Variants in CDKL1 observed in about 807,000 individuals in gnomAD.
CDKL1 encodes cyclin-dependent kinase-like 1.
In CDKL1, 41 loss-of-function variants were observed where a neutral mutation model predicts 42.0. That is an observed-to-expected ratio of 0.98 (90% CI 0.76 to 1.27). The LOEUF (loss-of-function observed/expected upper bound fraction) is 1.27. Ranked by LOEUF, CDKL1 falls within the 50% of genes most tolerant of loss-of-function variation. The pLI, the probability that CDKL1 is intolerant of heterozygous loss-of-function variation, is 0.00. For missense variants in CDKL1, 394 were observed against 428.4 expected (o/e 0.92, Z 0.71); for synonymous variants, 153 against 158.6 (o/e 0.96, Z 0.26).
Position 50,330,121 on chromosome 14 carries a change from A to C in CDKL1, c.1027T>G (p.Tyr343Asp). ...TTAAGTTTCTTGGTATCACAGTAGTACTTCTTATTATCCAAAGCTGGAAGG... is the reference window on the plus strand; with the variant it reads ...TTAAGTTTCTTGGTATCACAGTAGTCCTTCTTATTATCCAAAGCTGGAAGG... Reference protein sequence around the residue: ...SILPALDNKKYYCDTKKLNYR... With the variant: ...SILPALDNKKDYCDTKKLNYR... The change falls in exon 10 of 10, where the codon TAC becomes GAC. Residue 343 changes from tyrosine (Y) to aspartate (D), a missense_variant. Tyr to Asp is a radical substitution (Grantham distance 160, BLOSUM62 -3). Coordinates refer to ENST00000395834, the MANE Select transcript of CDKL1 (RefSeq NM_004196.7). 1 of 1,610,178 alleles carries C rather than the reference A, an allele frequency of 6.2e-7. No individual in the cohort carries two copies. The highest frequency in any genetic ancestry group is 8.5e-7 in the Non-Finnish European group (1 of 1,179,240).
At chr14:50,388,055 C>G (rs781283206) in intron 2 of CDKL1, among the ~76,000 whole-genome samples, 2 of 152,106 alleles carry the variant, frequency 1.3e-5, no homozygotes, top group African/African-American at 4.8e-5. Flanking sequence ...CGCCACCACA[C>G]CTGGCTAATT....
At chr14:50,346,659 T>TTG (rs1566582909) in intron 3 of CDKL1, among the ~76,000 whole-genome samples, 1 of 115,942 alleles carries the variant, frequency 8.6e-6, no homozygotes, top group Non-Finnish European at 1.9e-5. Flanking sequence ...TTGGTTTTTT[T>TTG]TTTTTTTTTG....
intron 2 of CDKL1, among the ~76,000 whole-genome samples, chr14:50,374,447 G>C (rs923443207): frequency 6.6e-6 from 1 of 152,146 alleles, no homozygotes; most frequent in African/African-American, 2.4e-5. Flanking sequence ...AGGAGGTTGG[G>C]GAATCCTAGG....
In CDKL1 at chr14:50,395,831, C is replaced by T; in HGVS notation, c.38G>A (p.Gly13Glu). The T allele has an allele frequency of 6.2e-7, 1 of 1,611,104 alleles. No individual in the cohort carries two copies. The highest frequency in any genetic ancestry group is 8.5e-7 in the Non-Finnish European group (1 of 1,177,264). Reference sequence around the variant, plus strand: ...ACATTTGAAAACAACTCCATAGGATCCTTCTCCAATTTTCCCAATTTTTTC... The same window carrying T: ...ACATTTGAAAACAACTCCATAGGATTCTTCTCCAATTTTCCCAATTTTTTC... ...KYEKIGKIGE[G>E]SYGVVFKCRN... Residue 13 changes from glycine to glutamate, a missense_variant, in exon 2 of 10, where the codon GGA becomes GAA. Gly to Glu is a moderately conservative substitution (Grantham distance 98, BLOSUM62 -2). Transcript: ENST00000395834.
At chr14:50,339,107 GT>G in intron 6 of CDKL1, 78 bp from the exon 7 acceptor site, 2 of 1,006,022 alleles carry the variant, frequency 2.0e-6, no homozygotes, top group East Asian at 4.8e-5. Context: ...TCAATGCTGT[GT>G]TTGTCTGTGC....
At chr14:50,387,458 G>A (rs2035120560) in intron 2 of CDKL1, among the ~76,000 whole-genome samples, 1 of 152,050 alleles carries the variant, frequency 6.6e-6, no homozygotes, top group Non-Finnish European at 1.5e-5. Context: ...GGGAGGCAGA[G>A]GTTGCAGTGA....
At chr14:50,378,738 T>A (rs755150562) in intron 2 of CDKL1, among the ~76,000 whole-genome samples, 3 of 152,254 alleles carry the variant, frequency 2.0e-5, no homozygotes, top group Middle Eastern at 3.4e-3. Flanking sequence ...GGTCTTACCA[T>A]CTTGCTCAGG....
At chr14:50,397,243 G>A (rs374206785), upstream of CDKL1, 492 of 1,366,594 alleles carry the variant, frequency 3.6e-4, no homozygotes, top group Non-Finnish European at 4.5e-4. Flanking sequence ...ATTCCCTTTG[G>A]TCCCTTGGAG....
chr14:50,330,182 C>T lies in CDKL1; in HGVS notation c.967-1G>A. The T allele has an allele frequency of 6.3e-7, 1 of 1,599,726 alleles. No individual in the cohort carries two copies. On this transcript the variant is annotated splice_acceptor_variant, in intron 9 of 9. Transcript: ENST00000395834. LOFTEE classifies it high-confidence loss of function. ...CAGTTAGCTGGGGTAGGTACTGCAACTAAAAATGCAAAACACAGAATTAGG... is the reference window on the plus strand; with the variant it reads ...CAGTTAGCTGGGGTAGGTACTGCAATTAAAAATGCAAAACACAGAATTAGG...
rs201963441 is a variant in CDKL1, at chr14:50,342,119, T to C, written c.454+13A>G. The C allele has an allele frequency of 1.2e-6, 2 of 1,607,092 alleles. No individual in the cohort carries two copies. Among genetic ancestry groups the C allele is most frequent in the Non-Finnish European group, 8.5e-7 (1 of 1,173,804 alleles). ...ATTTTTTATACTTAACAAAAGAAAA[T>C]GTCAATACTCACTCAAAAGCCGAGC... is the stretch of plus-strand genomic sequence containing the variant. On this transcript the variant is annotated intron_variant, in intron 5 of 9. Coordinates refer to ENST00000395834, the MANE Select transcript of CDKL1 (RefSeq NM_004196.7).
chr14:50,368,219 C>T (rs1008616494), intron 2 of CDKL1, among the ~76,000 whole-genome samples: 3 of 152,192 alleles, frequency 2.0e-5, no homozygotes, highest in African/African-American at 7.2e-5. Context: ...CTCGTCCTCC[C>T]AAAATGCTGG....
intron 2 of CDKL1, chr14:50,363,122 G>C (rs1595332342): frequency 3.7e-6 from 1 of 267,736 alleles, no homozygotes; most frequent in East Asian, 1.0e-4. Context: ...TCTTGAGCCA[G>C]GGAGACCACA....
chr14:50,363,568 T>C (rs1041928153), intron 2 of CDKL1, among the ~76,000 whole-genome samples: 10 of 152,212 alleles, frequency 6.6e-5, no homozygotes, highest in Non-Finnish European at 5.9e-5. Context: ...TTTCACACTA[T>C]TTGCTCCCTT....
chr14:50,340,470 T>G (rs944214252), intron 6 of CDKL1, among the ~76,000 whole-genome samples: 2 of 152,154 alleles, frequency 1.3e-5, no homozygotes, highest in African/African-American at 4.8e-5. Flanking sequence ...TTTTCTCATC[T>G]TCCCTCCCTT....
At chr14:50,335,493 T>A in intron 7 of CDKL1, 9 of 1,536,078 alleles carry the variant, frequency 5.9e-6, no homozygotes, top group Non-Finnish European at 7.8e-6. Flanking sequence ...GGGGCATTCG[T>A]CAATCTCCTT....
In CDKL1 at chr14:50,328,599, G is replaced by A. The variant is rs2032792810; in HGVS notation, c.*1475C>T. The A allele has an allele frequency of 6.6e-6, 1 of 152,196 alleles. No individual in the cohort carries two copies. Among genetic ancestry groups the A allele is most frequent in the African/African-American group, 2.4e-5 (1 of 41,460 alleles). The allele number at this position is 152,196 out of a possible 1,614,324, so 9.4% of individuals were successfully genotyped here. A position where few individuals can be genotyped will look rare whatever the true frequency, so the allele number is the denominator to read the frequency against. ...CATCAACCAGAAATGGTGTTGAGCT[G>A]TAAGAAACAGACGTCAGGCTTCATA... On this transcript the variant is annotated 3_prime_UTR_variant, in exon 10 of 10. Coordinates refer to ENST00000395834, the MANE Select transcript of CDKL1 (RefSeq NM_004196.7).
At chr14:50,370,123 C>CTG (rs1163717981) in intron 2 of CDKL1, among the ~76,000 whole-genome samples, 1 of 150,576 alleles carries the variant, frequency 6.6e-6, no homozygotes, top group Non-Finnish European at 1.5e-5. Flanking sequence ...GGCTGGAGTG[C>CTG]AGTGGCACGA....
chr14:50,353,832 T>G (rs1160777534), intron 3 of CDKL1, among the ~76,000 whole-genome samples: 1 of 152,148 alleles, frequency 6.6e-6, no homozygotes, highest in South Asian at 2.1e-4. Context: ...GGAGTTCAAG[T>G]TTAGCCTGAG....
At chr14:50,357,914 A>G in intron 3 of CDKL1, 1 of 491,416 alleles carries the variant, frequency 2.0e-6, no homozygotes, top group Non-Finnish European at 3.7e-6. Context: ...GGCACAATGA[A>G]GAAGAATTAG....
Sources: allele counts gnomAD v4.1 joint callset (sites outside exome capture counted in the v4.1 genomes callset), GRCh38; gene constraint gnomAD v4.1.1; transcripts MANE v1.5; gene names NCBI Gene and HGNC (gene_info 2026-07-23, HGNC 2026-07-21).